ERBB4: variants seen among roughly 807,000 people sequenced by gnomAD.
ERBB4 encodes the protein erb-b2 receptor tyrosine kinase 4, also known as receptor tyrosine-protein kinase erbB-4.
In ERBB4, 42 loss-of-function variants were observed where a neutral mutation model predicts 158.0. The ratio of observed to expected loss-of-function variants is 0.27; its 90% CI spans 0.21 to 0.34. The LOEUF (loss-of-function observed/expected upper bound fraction) is 0.34. ERBB4 is among the 10% of genes least tolerant of loss of function. The probability of loss-of-function intolerance (pLI) is 1.00; values close to 1 mark genes in which losing one functional copy is unlikely to be tolerated. For synonymous variants in ERBB4, 583 were observed against 558.7 expected (o/e 1.04, Z -0.61); for missense variants, 1,333 against 1,624.1 (o/e 0.82, Z 3.08).
chr2:211,881,960 A>G (rs1042294254), intron 3 of ERBB4, among the ~76,000 whole-genome samples: 1 of 152,172 alleles, frequency 6.6e-6, no homozygotes, highest in Non-Finnish European at 1.5e-5. Flanking sequence ...TGGAGGACCA[A>G]AGAAAGATAA....
At chr2:211,696,878 C>T (rs2073043641) in intron 12 of ERBB4, among the ~76,000 whole-genome samples, 2 of 152,078 alleles carry the variant, frequency 1.3e-5, no homozygotes, top group South Asian at 4.1e-4. Context: ...CCATGTTGGC[C>T]AGGCTGGTCT....
chr2:212,146,664 C>A (rs1264034538), intron 1 of ERBB4, among the ~76,000 whole-genome samples: 1 of 152,104 alleles, frequency 6.6e-6, no homozygotes, highest in African/African-American at 2.4e-5. Context: ...AGCTAGGGGG[C>A]TTTTTGCAAA....
chr2:212,059,276 T>A (rs2077682117), intron 2 of ERBB4, among the ~76,000 whole-genome samples: 1 of 152,016 alleles, frequency 6.6e-6, no homozygotes, highest in African/African-American at 2.4e-5. Context: ...AAACCACTGC[T>A]CAATGAAATA....
At chr2:211,939,248 T>C (rs1164138477) in intron 3 of ERBB4, among the ~76,000 whole-genome samples, 1 of 152,166 alleles carries the variant, frequency 6.6e-6, no homozygotes, top group East Asian at 1.9e-4. Flanking sequence ...GGGAGTGACA[T>C]ATGAAGAACG....
intron 3 of ERBB4, among the ~76,000 whole-genome samples, chr2:211,853,042 T>G (rs969130171): frequency 6.6e-6 from 1 of 152,002 alleles, no homozygotes; most frequent in African/African-American, 2.4e-5. Flanking sequence ...GATTTGTGCT[T>G]CCCTTTTGCT....
At chr2:211,868,457 A>G (rs1284052702) in intron 3 of ERBB4, among the ~76,000 whole-genome samples, 1 of 152,226 alleles carries the variant, frequency 6.6e-6, no homozygotes, top group African/African-American at 2.4e-5. Context: ...GATACCCTGA[A>G]GTGAAATAGA....
chr2:212,437,296 C>A (rs1485459330), intron 1 of ERBB4, among the ~76,000 whole-genome samples: 1 of 152,012 alleles, frequency 6.6e-6, no homozygotes, highest in Non-Finnish European at 1.5e-5. Context: ...ATTTCCCTTA[C>A]TCCTACCTGC....
At chr2:212,382,949 C>T (rs1321173672) in intron 1 of ERBB4, among the ~76,000 whole-genome samples, 1 of 150,998 alleles carries the variant, frequency 6.6e-6, no homozygotes, top group Non-Finnish European at 1.5e-5. Context: ...GGTGTTATGT[C>T]TCTTTCTGTG....
At chr2:211,727,579 G>A (rs1488097059) in intron 5 of ERBB4, among the ~76,000 whole-genome samples, 1 of 152,074 alleles carries the variant, frequency 6.6e-6, no homozygotes, top group East Asian at 1.9e-4. Context: ...AAAGAGATAG[G>A]TCACTAAGAA....
At chr2:212,285,304 C>A (rs1369203385) in intron 1 of ERBB4, among the ~76,000 whole-genome samples, 4 of 152,202 alleles carry the variant, frequency 2.6e-5, no homozygotes, top group South Asian at 4.1e-4. Flanking sequence ...GAAGTGCAAA[C>A]CCTCACACAC....
intron 19 of ERBB4, among the ~76,000 whole-genome samples, chr2:211,584,054 A>G (rs2125777874): frequency 6.7e-6 from 1 of 148,862 alleles, no homozygotes. Flanking sequence ...CATTAATTTT[A>G]AAGTAATTGC....
chr2:211,661,012 A>C (rs1293507087), intron 15 of ERBB4, among the ~76,000 whole-genome samples: 1 of 152,122 alleles, frequency 6.6e-6, no homozygotes, highest in Non-Finnish European at 1.5e-5. Context: ...TGAGTTGAGA[A>C]GCAAATTGGA....
chr2:212,363,116 T>C (rs1290705587), intron 1 of ERBB4, among the ~76,000 whole-genome samples: 1 of 151,494 alleles, frequency 6.6e-6, no homozygotes, highest in African/African-American at 2.4e-5. Context: ...TTACATGATG[T>C]AATATTACAT....
intron 20 of ERBB4, among the ~76,000 whole-genome samples, chr2:211,461,118 A>T (rs1030453165): frequency 6.6e-6 from 1 of 152,132 alleles, no homozygotes; most frequent in Non-Finnish European, 1.5e-5. Context: ...TGATTAAATC[A>T]TCTTTATTCA....
intron 12 of ERBB4, among the ~76,000 whole-genome samples, chr2:211,698,181 G>T (rs1019170014): frequency 6.6e-6 from 1 of 151,872 alleles, no homozygotes; most frequent in Non-Finnish European, 1.5e-5. Context: ...GCGTGGTGGC[G>T]CCTGCCTGTA....
intron 5 of ERBB4, among the ~76,000 whole-genome samples, chr2:211,725,446 A>G (rs995965331): frequency 6.6e-6 from 1 of 152,108 alleles, no homozygotes; most frequent in Non-Finnish European, 1.5e-5. Flanking sequence ...CAACTTAACA[A>G]GAAAGAATCC....
chr2:212,059,135 T>C (rs1051377671), intron 2 of ERBB4, among the ~76,000 whole-genome samples: 14 of 152,154 alleles, frequency 9.2e-5, no homozygotes, highest in African/African-American at 3.4e-4. Context: ...CAGGCATTCC[T>C]ATACACCAAT....
At chr2:212,050,449 C>T (rs1312224454) in intron 2 of ERBB4, among the ~76,000 whole-genome samples, 1 of 152,186 alleles carries the variant, frequency 6.6e-6, no homozygotes, top group Non-Finnish European at 1.5e-5. Flanking sequence ...TTTGTTAGCA[C>T]CCTGCCACAT....
At position 211,742,483 on chromosome 2, in the gene ERBB4, A is replaced by G. The variant is rs1376045549; in HGVS notation, c.622+8156T>C. ...TATAATCATTTTGTTAGATTTTATT[A>G]TTCTATTTCGAAGGAGTTCCAGATA... On this transcript the variant is annotated intron_variant, in intron 5 of 27. Transcript: ENST00000342788. 2.0e-5 allele frequency among the ~76,000 whole-genome samples: 3 copies of G among 152,306 alleles called. No homozygotes were observed. The East Asian group carries it at 5.8e-4, about 29-fold the overall frequency.
Sources: gnomAD v4.1 joint callset for allele counts (sites outside exome capture counted in the v4.1 genomes callset) on GRCh38, gnomAD v4.1.1 for gene constraint, MANE v1.5 for transcripts, NCBI Gene and HGNC (gene_info 2026-07-23, HGNC 2026-07-21) for gene names.